Variants in SPOCK3 observed in about 807,000 individuals in gnomAD.
SPOCK3 encodes the protein SPARC (osteonectin), cwcv and kazal like domains proteoglycan 3.
In SPOCK3, 30 loss-of-function variants were observed where a neutral mutation model predicts 56.6. The observed-to-expected ratio is 0.53, with a 90% CI of 0.40 to 0.72. The LOEUF (loss-of-function observed/expected upper bound fraction) is 0.72, where lower values mean the gene tolerates loss of function less well. Ranked by LOEUF, SPOCK3 falls within the 30% of genes least tolerant of loss-of-function variation. SPOCK3 has a pLI of 0.00. For missense variants in SPOCK3, 527 were observed against 530.0 expected, an observed-to-expected ratio of 0.99 and a Z score of 0.06; for synonymous variants, 196 against 183.3, an observed-to-expected ratio of 1.07 and a Z score of -0.56.
At chr4:167,022,579 GAA>G (rs1751294895) in intron 3 of SPOCK3, among the ~76,000 whole-genome samples, 1 of 152,036 alleles carries the variant, frequency 6.6e-6, no homozygotes, top group Non-Finnish European at 1.5e-5. Flanking sequence ...CTCAGATGGT[GAA>G]AAAGATACAA....
chr4:166,984,571 G>A (rs1427630), intron 4 of SPOCK3, among the ~76,000 whole-genome samples: 98,811 of 151,826 alleles, frequency 0.65, 33,937 homozygotes, highest in East Asian at 0.84. Flanking sequence ...CAACAGGAGG[G>A]GTGCTAACAG....
intron 2 of SPOCK3, among the ~76,000 whole-genome samples, chr4:167,078,266 G>T (rs1366461903): frequency 1.3e-5 from 2 of 148,680 alleles, no homozygotes; most frequent in African/African-American, 4.9e-5. Context: ...TATTACCTAT[G>T]TAATAGGTAA....
At chr4:167,169,479 G>A (rs1319137134) in intron 2 of SPOCK3, among the ~76,000 whole-genome samples, 2 of 152,084 alleles carry the variant, frequency 1.3e-5, no homozygotes, top group Non-Finnish European at 2.9e-5. Flanking sequence ...GACTTGCATG[G>A]GGCCTGTAGC....
At chr4:167,140,675 T>C (rs989434197) in intron 2 of SPOCK3, among the ~76,000 whole-genome samples, 9 of 152,018 alleles carry the variant, frequency 5.9e-5, no homozygotes, top group Admixed American at 2.6e-4. Flanking sequence ...GGAGATTTTA[T>C]CAATAAAATG....
intron 2 of SPOCK3, among the ~76,000 whole-genome samples, chr4:167,100,237 G>A (rs1011804839): frequency 6.6e-6 from 1 of 152,054 alleles, no homozygotes; most frequent in South Asian, 2.1e-4. Flanking sequence ...GGCAGCTATT[G>A]TTAGACGTCC....
chr4:166,743,274 TA>T (rs1273770316), intron 8 of SPOCK3, among the ~76,000 whole-genome samples: 1 of 152,048 alleles, frequency 6.6e-6, no homozygotes, highest in Non-Finnish European at 1.5e-5. Context: ...TACAACTTTT[TA>T]GGAAAAAGGC....
chr4:167,048,752 G>A (rs1753940239), intron 3 of SPOCK3, among the ~76,000 whole-genome samples: 1 of 152,180 alleles, frequency 6.6e-6, no homozygotes, highest in African/African-American at 2.4e-5. Flanking sequence ...AACTGGGATT[G>A]AAGAATTGAG....
At chr4:167,146,291 G>A (rs1763950309) in intron 2 of SPOCK3, among the ~76,000 whole-genome samples, 1 of 152,122 alleles carries the variant, frequency 6.6e-6, no homozygotes, top group African/African-American at 2.4e-5. Context: ...CCCAATACAT[G>A]AGAACGCAGA....
intron 6 of SPOCK3, among the ~76,000 whole-genome samples, chr4:166,807,480 T>C (rs1355587759): frequency 6.6e-6 from 1 of 152,166 alleles, no homozygotes. Flanking sequence ...GCATGTTGTG[T>C]TGTTGTTTGT....
At chr4:166,847,934 G>T (rs1748274664) in intron 6 of SPOCK3, among the ~76,000 whole-genome samples, 1 of 151,906 alleles carries the variant, frequency 6.6e-6, no homozygotes, top group African/African-American at 2.4e-5. Flanking sequence ...TGTATCATCT[G>T]CATTCTGTGA....
intron 2 of SPOCK3, among the ~76,000 whole-genome samples, chr4:167,228,870 T>G (rs373259438): frequency 6.6e-6 from 1 of 152,128 alleles, no homozygotes; most frequent in South Asian, 2.1e-4. Context: ...CCAATAAAAA[T>G]ATTACTGCAT....
chr4:167,135,028 A>G (rs1387507198), intron 2 of SPOCK3, among the ~76,000 whole-genome samples: 1 of 151,558 alleles, frequency 6.6e-6, no homozygotes, highest in Non-Finnish European at 1.5e-5. Flanking sequence ...AGTAGAACTT[A>G]AGAAAATACT....
chr4:167,206,340 AT>A (rs1054176932), intron 2 of SPOCK3, among the ~76,000 whole-genome samples: 8 of 152,230 alleles, frequency 5.3e-5, no homozygotes, highest in Middle Eastern at 3.4e-3. Context: ...ATAAAAAAAA[AT>A]AAGTATGTTT....
intron 6 of SPOCK3, among the ~76,000 whole-genome samples, chr4:166,871,467 C>G (rs539584078): frequency 2.0e-5 from 3 of 152,098 alleles, no homozygotes; most frequent in Middle Eastern, 3.4e-3. Context: ...TAAAACAAAC[C>G]ATGTCCTTGG....
chr4:167,059,354 C>T (rs1424075932), intron 3 of SPOCK3, among the ~76,000 whole-genome samples: 2 of 152,178 alleles, frequency 1.3e-5, no homozygotes, highest in Non-Finnish European at 2.9e-5. Context: ...CATGAACAGA[C>T]ACTTCTCAAA....
At chr4:166,871,826 AC>A (rs1345518248) in intron 6 of SPOCK3, among the ~76,000 whole-genome samples, 4 of 150,810 alleles carry the variant, frequency 2.7e-5, no homozygotes, top group African/African-American at 9.7e-5. Flanking sequence ...TATATATAAA[AC>A]AATATAAAAA....
Position 166,735,066 on chromosome 4 carries a change from TCTC to T in SPOCK3, c.1154_1156del (p.Gly385del). On this transcript the variant is annotated inframe_deletion, in exon 11 of 11. Transcript: ENST00000357545. ...TTCATGAAAATCGCCACTAGCAAAA[TCTC>T]CGGAGATCTCAAAATCTATAGCTTA... The T allele has an allele frequency of 6.2e-7, 1 of 1,604,712 alleles. No individual in the cohort carries two copies. The highest frequency in any genetic ancestry group is 8.5e-7 in the Non-Finnish European group (1 of 1,174,320).
chr4:167,160,890 C>T (rs1035895696), intron 2 of SPOCK3, among the ~76,000 whole-genome samples: 3 of 152,062 alleles, frequency 2.0e-5, no homozygotes, highest in Non-Finnish European at 2.9e-5. Flanking sequence ...AAAATTAATT[C>T]GAGATGGATT....
chr4:167,165,306 T>A (rs952680931), intron 2 of SPOCK3, among the ~76,000 whole-genome samples: 1 of 152,094 alleles, frequency 6.6e-6, no homozygotes, highest in Non-Finnish European at 1.5e-5. Context: ...TTTTTCAATC[T>A]ACTCATCTGA....
Sources: gnomAD v4.1 joint callset for allele counts (sites outside exome capture counted in the v4.1 genomes callset) on GRCh38, gnomAD v4.1.1 for gene constraint, MANE v1.5 for transcripts, NCBI Gene and HGNC (gene_info 2026-07-23, HGNC 2026-07-21) for gene names.